Variants in ARMC9 observed in about 807,000 individuals in gnomAD.
ARMC9 encodes armadillo repeat containing 9.
In ARMC9, 94 loss-of-function variants were observed where a neutral mutation model predicts 107.0. The ratio of observed to expected loss-of-function variants is 0.88; its 90% CI spans 0.74 to 1.04. ARMC9 has a LOEUF of 1.04. Ranked by LOEUF, ARMC9 falls within the 50% of genes least tolerant of loss-of-function variation. The pLI is 0.00. For synonymous variants in ARMC9, 380 were observed against 396.9 expected (o/e 0.96, Z 0.51); for missense variants, 942 against 1,030.1 (o/e 0.91, Z 1.17).
intron 5 of ARMC9, among the ~76,000 whole-genome samples, chr2:231,220,511 C>G (rs1032237545): frequency 4.0e-5 from 6 of 150,270 alleles, no homozygotes; most frequent in Admixed American, 3.4e-4. Flanking sequence ...GCAGGAAAAT[C>G]TCTTGAACCC....
intron 20 of ARMC9, among the ~76,000 whole-genome samples, chr2:231,336,159 C>G: frequency 6.6e-6 from 1 of 151,036 alleles, no homozygotes; most frequent in Non-Finnish European, 1.5e-5. Flanking sequence ...TTAAATAGCT[C>G]CATCACCTGG....
chr2:231,345,821 C>T (rs1035767285), intron 21 of ARMC9, among the ~76,000 whole-genome samples: 4 of 152,242 alleles, frequency 2.6e-5, no homozygotes, highest in Admixed American at 6.5e-5. Flanking sequence ...AAGAATATAC[C>T]GTGTTTTACT....
chr2:231,354,324 C>G (rs2045243087), intron 21 of ARMC9, among the ~76,000 whole-genome samples: 1 of 149,904 alleles, frequency 6.7e-6, no homozygotes, highest in Non-Finnish European at 1.5e-5. Context: ...TCCTGCCCCC[C>G]TCAGGCTGGT....
intron 13 of ARMC9, among the ~76,000 whole-genome samples, chr2:231,271,682 G>C (rs115512774): frequency 6.6e-6 from 1 of 152,104 alleles, no homozygotes; most frequent in Non-Finnish European, 1.5e-5. Flanking sequence ...TTGTTCATTC[G>C]TTCTTCCATC....
At chr2:231,237,175 C>CGT (rs58607252) in intron 8 of ARMC9, among the ~76,000 whole-genome samples, 47,835 of 148,626 alleles carry the variant, frequency 0.32, 8,441 homozygotes, top group Admixed American at 0.46. Context: ...TCTGCGTATG[C>CGT]GTGTGTGTGT....
intron 17 of ARMC9, among the ~76,000 whole-genome samples, chr2:231,284,386 G>A (rs1176354289): frequency 6.6e-6 from 1 of 152,220 alleles, no homozygotes; most frequent in Non-Finnish European, 1.5e-5. Context: ...GACTGTTTCT[G>A]TGGGACAAAC....
Position 231,376,343 on chromosome 2 carries a change from G to T in ARMC9, c.*4808G>T, listed in dbSNP as rs575197606. 1.3e-5 allele frequency among the ~76,000 whole-genome samples: 2 copies of T among 152,118 alleles called. No homozygotes were observed. Among genetic ancestry groups the T allele is most frequent in the African/African-American group, 4.8e-5 (2 of 41,406 alleles). ...TTCAAAAGCAAATGGGAGAAATATCGCTGAATTCTTTTTCTCAGCATGGAA... is the reference window on the plus strand; with the variant it reads ...TTCAAAAGCAAATGGGAGAAATATCTCTGAATTCTTTTTCTCAGCATGGAA... On this transcript the variant is annotated 3_prime_UTR_variant, in exon 25 of 25. Coordinates refer to ENST00000611582, the MANE Select transcript of ARMC9 (RefSeq NM_001352754.2).
chr2:231,277,563 T>A lies in ARMC9; in HGVS notation c.1474+788T>A, dbSNP rs1422267458. On this transcript the variant is annotated intron_variant, in intron 15 of 24. Transcript: ENST00000611582. ...AAATAGCATGCAAAAAGTCCTAGCC[T>A]TTTTTTTTTTTTTTTGAGATGAAGT... Among the ~76,000 whole-genome samples the A allele has an allele frequency of 3.3e-5, 3 of 90,434 alleles. No individual in the cohort carries two copies. In the East Asian group the frequency reaches 2.0e-3, roughly 62 times the overall value. 59.3% of individuals were successfully genotyped at this position (90,434 alleles called of 152,430 possible). A position where few individuals can be genotyped will look rare whatever the true frequency, so the allele number is the denominator to read the frequency against.
At chr2:231,217,357 G>T (rs997163636) in intron 5 of ARMC9, among the ~76,000 whole-genome samples, 24 of 152,174 alleles carry the variant, frequency 1.6e-4, no homozygotes, top group African/African-American at 5.8e-4. Flanking sequence ...GCCGAGGTGG[G>T]TGCATCACTT....
At chr2:231,309,987 A>G (rs2042244899) in intron 19 of ARMC9, among the ~76,000 whole-genome samples, 2 of 152,320 alleles carry the variant, frequency 1.3e-5, no homozygotes, top group South Asian at 2.1e-4. Flanking sequence ...TATAGAAAAC[A>G]TAGAAATAGA....
intron 3 of ARMC9, among the ~76,000 whole-genome samples, chr2:231,214,117 A>G (rs963863147): frequency 6.6e-6 from 1 of 152,218 alleles, no homozygotes; most frequent in Non-Finnish European, 1.5e-5. Flanking sequence ...GTGCATGCTG[A>G]ATCATGATGC....
chr2:231,218,264 C>T (rs1450706883), intron 5 of ARMC9, among the ~76,000 whole-genome samples: 1 of 151,992 alleles, frequency 6.6e-6, no homozygotes, highest in Non-Finnish European at 1.5e-5. Flanking sequence ...TACCTACTTC[C>T]TCTCCCAGAA....
intron 19 of ARMC9, among the ~76,000 whole-genome samples, chr2:231,312,538 C>T (rs977532685): frequency 1.3e-5 from 2 of 152,056 alleles, no homozygotes; most frequent in Non-Finnish European, 2.9e-5. Context: ...AGATTCTTCT[C>T]CGAACAAACC....
At chr2:231,320,395 TG>T (rs1051378380) in intron 19 of ARMC9, among the ~76,000 whole-genome samples, 17 of 152,348 alleles carry the variant, frequency 1.1e-4, no homozygotes, top group African/African-American at 3.8e-4. Context: ...CCCCATCACT[TG>T]GCACAATCTC....
intron 20 of ARMC9, among the ~76,000 whole-genome samples, chr2:231,342,855 C>T (rs899471157): frequency 1.3e-5 from 2 of 152,128 alleles, no homozygotes; most frequent in African/African-American, 4.8e-5. Flanking sequence ...TTCTCACTCT[C>T]CCAGGCTTTT....
intron 19 of ARMC9, among the ~76,000 whole-genome samples, chr2:231,316,274 A>G (rs1266578240): frequency 6.8e-6 from 1 of 147,536 alleles, no homozygotes; most frequent in Non-Finnish European, 1.5e-5. Context: ...TTTTTTTTTT[A>G]ATCTGGAATT....
At chr2:231,334,070 A>G (rs1232712480) in intron 20 of ARMC9, among the ~76,000 whole-genome samples, 1 of 152,234 alleles carries the variant, frequency 6.6e-6, no homozygotes, top group African/African-American at 2.4e-5. Flanking sequence ...TCTTACCATA[A>G]TATGCAGTTC....
At chr2:231,254,581 G>C (rs2037588181) in intron 9 of ARMC9, among the ~76,000 whole-genome samples, 1 of 151,794 alleles carries the variant, frequency 6.6e-6, no homozygotes, top group African/African-American at 2.4e-5. Flanking sequence ...CTACTCTGGA[G>C]GCTGAGGCAG....
intron 3 of ARMC9, among the ~76,000 whole-genome samples, chr2:231,212,509 G>A (rs555457584): frequency 5.0e-4 from 76 of 151,686 alleles, no homozygotes; most frequent in African/African-American, 6.5e-4. Flanking sequence ...AAGCCATAAC[G>A]TTTCACAAGA....
Sources: gnomAD v4.1 joint callset for allele counts (sites outside exome capture counted in the v4.1 genomes callset) on GRCh38, gnomAD v4.1.1 for gene constraint, MANE v1.5 for transcripts, NCBI Gene and HGNC (gene_info 2026-07-23, HGNC 2026-07-21) for gene names.